RUNX1T1: variants seen among roughly 807,000 people sequenced by gnomAD.
The protein encoded by RUNX1T1 is RUNX1 partner transcriptional co-repressor 1, also known as protein CBFA2T1.
RUNX1T1 carries 4 observed loss-of-function variants against 62.8 expected under a neutral mutation model. The observed-to-expected ratio is 0.06, with a 90% CI of 0.03 to 0.15. RUNX1T1 has a LOEUF of 0.15. Among genes scored for constraint, RUNX1T1 ranks in the 10% least tolerant of loss-of-function variants. The probability of loss-of-function intolerance (pLI) is 1.00; values close to 1 mark genes in which losing one functional copy is unlikely to be tolerated. For synonymous variants in RUNX1T1, 291 were observed against 286.0 expected (o/e 1.02, Z -0.18); for missense variants, 508 against 754.3 (o/e 0.67, Z 3.82).
At chr8:92,052,505 TAAAAAG>T (rs1330192164) in intron 1 of RUNX1T1, among the ~76,000 whole-genome samples, 2 of 151,896 alleles carry the variant, frequency 1.3e-5, no homozygotes, top group Admixed American at 6.6e-5. Flanking sequence ...TCCACAAAAA[TAAAAAG>T]AAAAAATAAG....
intron 1 of RUNX1T1, among the ~76,000 whole-genome samples, chr8:92,056,457 C>T (rs1055864619): frequency 5.9e-5 from 9 of 152,170 alleles, no homozygotes; most frequent in Non-Finnish European, 1.3e-4. Flanking sequence ...GTCAAGTACT[C>T]TGTATAATGT....
At chr8:92,034,767 CATATATATACACATATATATATACATAT>C (rs1563810281) in intron 1 of RUNX1T1, among the ~76,000 whole-genome samples, 42 of 139,550 alleles carry the variant, frequency 3.0e-4, no homozygotes, top group African/African-American at 8.7e-4. Context: ...CACACATATA[CATATATATACACATATATATATACATAT>C]ATACACACAC....
At chr8:91,982,531 T>A (rs1815555775) in intron 8 of RUNX1T1, among the ~76,000 whole-genome samples, 1 of 152,188 alleles carries the variant, frequency 6.6e-6, no homozygotes, top group South Asian at 2.1e-4. Flanking sequence ...TCTATACATA[T>A]AAAAGTAATT....
At chr8:91,981,761 C>T (rs1017083865) in intron 8 of RUNX1T1, among the ~76,000 whole-genome samples, 1 of 151,956 alleles carries the variant, frequency 6.6e-6, no homozygotes, top group Non-Finnish European at 1.5e-5. Flanking sequence ...TACACTTAAA[C>T]AAACAAAACT....
chr8:92,005,413 A>C, intron 4 of RUNX1T1, 116 bp from the exon 6 acceptor site: 2 of 850,862 alleles, frequency 2.4e-6, no homozygotes, highest in African/African-American at 1.7e-5. Flanking sequence ...ATCAAAGGTC[A>C]AATGCATGCC....
chr8:92,011,964 C>A (rs1432878034), intron 3 of RUNX1T1, among the ~76,000 whole-genome samples: 1 of 152,188 alleles, frequency 6.6e-6, no homozygotes, highest in Non-Finnish European at 1.5e-5. Flanking sequence ...AGGATCACAA[C>A]TCATTCTCAA....
At chr8:91,971,462 T>C (rs1172320784) in intron 9 of RUNX1T1, among the ~76,000 whole-genome samples, 3 of 152,186 alleles carry the variant, frequency 2.0e-5, no homozygotes, top group African/African-American at 7.2e-5. Context: ...TATTAGTTGC[T>C]GGCATAATCT....
At chr8:92,085,412 G>A (rs1835942973) in intron 1 of RUNX1T1, among the ~76,000 whole-genome samples, 1 of 152,020 alleles carries the variant, frequency 6.6e-6, no homozygotes. Flanking sequence ...GCATTTTTTT[G>A]TACAAACACA....
intron 1 of RUNX1T1, among the ~76,000 whole-genome samples, chr8:92,058,620 T>A (rs1831419255): frequency 6.6e-6 from 1 of 152,162 alleles, no homozygotes; most frequent in Non-Finnish European, 1.5e-5. Flanking sequence ...CCTGAACAAG[T>A]CCCTTAATCT....
In RUNX1T1 at chr8:92,019,510, G is replaced by C. The variant is rs370213460; in HGVS notation, c.8-2147C>G. The stretch of plus-strand genomic sequence containing the variant: ...AAAAGAACAAAATAGAGAGACAAGA[G>C]CCTGATGGGGGAGTAAGTTACCCTC... On this transcript the variant is annotated intron_variant, in intron 1 of 10. Coordinates refer to ENST00000396218, the Ensembl canonical transcript of RUNX1T1. Among the ~76,000 whole-genome samples the C allele has an allele frequency of 5.3e-5, 8 of 152,062 alleles. No individual in the cohort carries two copies. The East Asian group carries it at 1.5e-3, about 29-fold the overall frequency.
At chr8:92,090,121 C>T (rs1268097569) in intron 1 of RUNX1T1, among the ~76,000 whole-genome samples, 1 of 151,224 alleles carries the variant, frequency 6.6e-6, no homozygotes, top group African/African-American at 2.4e-5. Context: ...CCCAGCAAGT[C>T]AGTGATTGAA....
chr8:92,051,892 A>G (rs898989810), intron 1 of RUNX1T1, among the ~76,000 whole-genome samples: 1 of 132,698 alleles, frequency 7.5e-6, no homozygotes, highest in Non-Finnish European at 1.6e-5. Flanking sequence ...CATGCTCTTT[A>G]AAAAAAAAAA....
At chr8:91,967,133 A>C (rs1306503225) in intron 10 of RUNX1T1, among the ~76,000 whole-genome samples, 1 of 152,214 alleles carries the variant, frequency 6.6e-6, no homozygotes, top group Non-Finnish European at 1.5e-5. Context: ...CGATGTGAGA[A>C]GTAAACGAGC....
chr8:92,063,725 C>T (rs1368745191), upstream of RUNX1T1: 1 of 152,222 alleles, frequency 6.6e-6, no homozygotes, highest in Non-Finnish European at 1.5e-5. Context: ...CAATGCCAGG[C>T]AGAAGGAAAA....
chr8:92,033,827 G>A (rs749019715), intron 1 of RUNX1T1, among the ~76,000 whole-genome samples: 13 of 151,986 alleles, frequency 8.6e-5, no homozygotes, highest in Non-Finnish European at 1.2e-4. Context: ...AAAATTAGCC[G>A]GGTGTGGTGG....
At chr8:92,094,980 CT>C in intron 1 of RUNX1T1, 1 of 1,409,206 alleles carries the variant, frequency 7.1e-7, no homozygotes, top group Non-Finnish European at 9.7e-7. Flanking sequence ...CCTATTCAGA[CT>C]GGCAAAACTA....
chr8:91,960,966 A>G (rs1451040865), intron 10 of RUNX1T1, among the ~76,000 whole-genome samples: 5 of 152,252 alleles, frequency 3.3e-5, no homozygotes, highest in Admixed American at 2.6e-4. Context: ...TACCAGAACC[A>G]TATCTATATT....
At chr8:92,092,370 C>A (rs943762000) in intron 1 of RUNX1T1, among the ~76,000 whole-genome samples, 1 of 152,146 alleles carries the variant, frequency 6.6e-6, no homozygotes, top group African/African-American at 2.4e-5. Context: ...GTCCATAAAA[C>A]TTATTTGATT....
At chr8:92,014,526 C>T in intron 3 of RUNX1T1, 53 bp downstream of exon 4, 29 of 1,511,480 alleles carry the variant, frequency 1.9e-5, no homozygotes, top group Non-Finnish European at 2.6e-5. Flanking sequence ...CTGAGTCTCC[C>T]ACCCACACTA....
Sources: gnomAD v4.1 joint callset for allele counts (sites outside exome capture counted in the v4.1 genomes callset) on GRCh38, gnomAD v4.1.1 for gene constraint, MANE v1.5 for transcripts, NCBI Gene and HGNC (gene_info 2026-07-23, HGNC 2026-07-21) for gene names.